BANP: variants seen among roughly 807,000 people sequenced by gnomAD.
BANP encodes protein BANP.
A neutral mutation model predicts 68.1 loss-of-function variants in BANP; 11 were observed. That is an observed-to-expected ratio of 0.16 (90% CI 0.10 to 0.27). The LOEUF is 0.27. Among genes scored for constraint, BANP ranks in the 10% least tolerant of loss-of-function variants. BANP has a pLI of 1.00. For missense variants in BANP, 504 were observed against 722.7 expected (o/e 0.70, Z 3.47); for synonymous variants, 329 against 303.2 (o/e 1.09, Z -0.88).
intron 7 of BANP, among the ~76,000 whole-genome samples, chr16:88,026,844 C>T (rs570418012): frequency 5.2e-4 from 79 of 152,318 alleles, no homozygotes; most frequent in African/African-American, 1.8e-3. Flanking sequence ...CCTGAATTTT[C>T]GAAACTGTGT....
At chr16:88,020,480 G>A (rs943030889) in intron 7 of BANP, among the ~76,000 whole-genome samples, 2 of 152,256 alleles carry the variant, frequency 1.3e-5, no homozygotes, top group African/African-American at 4.8e-5. Flanking sequence ...ATATATAGAC[G>A]AATGAGAAAT....
intron 1 of BANP, among the ~76,000 whole-genome samples, chr16:87,972,201 C>T (rs1168503461): frequency 6.6e-6 from 1 of 151,716 alleles, no homozygotes; most frequent in Non-Finnish European, 1.5e-5. Context: ...CTTTTTTATT[C>T]TTGAAAATTT....
At chr16:88,042,841 C>T (rs1353294452) in intron 11 of BANP, among the ~76,000 whole-genome samples, 5 of 152,076 alleles carry the variant, frequency 3.3e-5, no homozygotes, top group African/African-American at 4.8e-5. Flanking sequence ...TGCTTGAGCC[C>T]AGGAGGCCCA....
chr16:87,972,372 G>A (rs906672333), intron 1 of BANP, among the ~76,000 whole-genome samples: 2 of 151,160 alleles, frequency 1.3e-5, no homozygotes, highest in Admixed American at 6.6e-5. Flanking sequence ...TGGTTAATGT[G>A]TGTTATGTGT....
intron 11 of BANP, among the ~76,000 whole-genome samples, chr16:88,049,521 C>T (rs1459801151): frequency 2.6e-5 from 4 of 152,010 alleles, no homozygotes; most frequent in African/African-American, 9.7e-5. Context: ...AGGGCAGGAC[C>T]CTCTCATGGG....
chr16:88,027,294 G>A (rs1448974720), intron 7 of BANP, among the ~76,000 whole-genome samples, 189 bp from the exon 8 acceptor site: 4 of 152,280 alleles, frequency 2.6e-5, no homozygotes, highest in African/African-American at 4.8e-5. Context: ...GGGGAGCCCC[G>A]CCTGTGGGCC....
chr16:87,982,005 T>C (rs1403067302), intron 3 of BANP, among the ~76,000 whole-genome samples: 5 of 152,224 alleles, frequency 3.3e-5, no homozygotes, highest in Non-Finnish European at 5.9e-5. Flanking sequence ...GGGTGTCTAT[T>C]TGGTAATATT....
At chr16:87,956,682 C>T (rs542630424) in intron 1 of BANP, 3 of 152,288 alleles carry the variant, frequency 2.0e-5, no homozygotes, top group African/African-American at 7.2e-5. Flanking sequence ...TAGGCAAGCT[C>T]AGCCTGCTTT....
intron 6 of BANP, among the ~76,000 whole-genome samples, chr16:88,007,177 G>T (rs1405009496): frequency 6.6e-6 from 1 of 152,116 alleles, no homozygotes; most frequent in African/African-American, 2.4e-5. Flanking sequence ...ATCAGGTCTG[G>T]ATGCTTTCCA....
intron 11 of BANP, among the ~76,000 whole-genome samples, chr16:88,044,757 G>A (rs1186585509): frequency 6.6e-6 from 1 of 152,240 alleles, no homozygotes; most frequent in Non-Finnish European, 1.5e-5. Context: ...GCCGAGGCAG[G>A]TGGATCACGA....
chr16:87,958,962 C>G (rs912072956), intron 1 of BANP, among the ~76,000 whole-genome samples: 15 of 152,194 alleles, frequency 9.9e-5, no homozygotes, highest in African/African-American at 3.4e-4. Context: ...GGAGGGAGGA[C>G]CTTGCGGCGC....
chr16:88,076,628 G>A lies in BANP; in HGVS notation c.1560G>A (p.Met520Ile), dbSNP rs1489024569. Residue 520 changes from methionine to isoleucine, a missense_variant, in exon 14 of 14, where the codon ATG becomes ATA. Physicochemically the swap from Met to Ile is conservative, Grantham distance 10. This residue lies in a region of BANP where 223 missense variants were observed against 246.2 expected (regional missense o/e 0.91). Transcript: ENST00000682872. ...EALQPTLQPE[M>I]QLEHGAIQIQ ...TGCAGCCCACGCTACAGCCGGAGAT[G>A]CAGCTCGAGCACGGGGCCATCCAGA... 3 of 1,611,246 alleles carry A rather than the reference G, an allele frequency of 1.9e-6. No individual in the cohort carries two copies. Among genetic ancestry groups the A allele is most frequent in the South Asian group, 2.2e-5 (2 of 91,074 alleles).
chr16:88,016,943 G>T (rs1334385013), intron 6 of BANP, among the ~76,000 whole-genome samples: 1 of 152,212 alleles, frequency 6.6e-6, no homozygotes, highest in Non-Finnish European at 1.5e-5. Flanking sequence ...CTGCCCCTGT[G>T]ACAATGTGTG....
Position 88,071,310 on chromosome 16 carries a change from C to T in BANP, c.1378-759C>T. On this transcript the variant is annotated intron_variant, in intron 12 of 13. Transcript: ENST00000682872. This position sits in a 1 kb window ranked among gnomAD's most constrained non-coding sequence, Gnocchi z 6.5. ...GGGGCTGCCCACCCGCCTGCCTGGG[C>T]CGTCTTGACACCGGAGCTGCCTGCC... is the stretch of plus-strand genomic sequence containing the variant. 2.7e-6 allele frequency: 1 copy of T among 368,408 alleles called. No individual in the cohort carries two copies. The highest frequency in any genetic ancestry group is 5.4e-6 in the Non-Finnish European group (1 of 185,382). The allele number at this position is 368,408 out of a possible 1,614,324, so 22.8% of individuals were successfully genotyped here.
chr16:87,992,154 T>A (rs1281970958), intron 4 of BANP, among the ~76,000 whole-genome samples: 2 of 152,242 alleles, frequency 1.3e-5, no homozygotes, highest in Non-Finnish European at 2.9e-5. Context: ...TTTGTTAAAG[T>A]GAATTACGTC....
chr16:87,987,979 G>C (rs2064904015), intron 4 of BANP, among the ~76,000 whole-genome samples: 2 of 151,936 alleles, frequency 1.3e-5, no homozygotes, highest in South Asian at 4.1e-4. Context: ...GTACAGGCTG[G>C]GCATCTTTCC....
chr16:88,044,218 T>C (rs1469902151), intron 11 of BANP, among the ~76,000 whole-genome samples: 6 of 152,238 alleles, frequency 3.9e-5, no homozygotes, highest in Admixed American at 3.9e-4. Flanking sequence ...ATGGCTGGAC[T>C]CTACCAGCAT....
At chr16:87,960,047 C>G (rs1368645314) in intron 1 of BANP, 8 of 152,452 alleles carry the variant, frequency 5.2e-5, no homozygotes, top group African/African-American at 1.9e-4. Flanking sequence ...GTCCCCGGCA[C>G]CTCCTACCCC....
chr16:88,050,200 A>G (rs8057785), intron 11 of BANP, among the ~76,000 whole-genome samples: 120,457 of 152,192 alleles, frequency 0.79, 48,157 homozygotes, highest in African/African-American at 0.86. Context: ...CCTGTTGCTC[A>G]GGCTGGAGTG....
Sources: gnomAD v4.1 joint callset for allele counts (sites outside exome capture counted in the v4.1 genomes callset) on GRCh38, gnomAD v4.1.1 for gene constraint, gnomAD v4.1.1 regional missense constraint, Gnocchi (gnomAD v3.1) non-coding constraint, MANE v1.5 for transcripts, NCBI Gene and HGNC (gene_info 2026-07-23, HGNC 2026-07-21) for gene names.